Variants in DGKI observed in about 807,000 individuals in gnomAD.
DGKI encodes the protein diacylglycerol kinase iota.
A neutral mutation model predicts 147.5 loss-of-function variants in DGKI; 55 were observed. The ratio of observed to expected loss-of-function variants is 0.37; its 90% CI spans 0.30 to 0.47. The LOEUF is 0.47. Ranked by LOEUF, DGKI falls within the 20% of genes least tolerant of loss-of-function variation. The probability of loss-of-function intolerance (pLI) is 1.00; values close to 1 mark genes in which losing one functional copy is unlikely to be tolerated. For missense variants in DGKI, 1,007 were observed against 1,323.8 expected, an observed-to-expected ratio of 0.76 and a Z score of 3.71; for synonymous variants, 469 against 477.1, an observed-to-expected ratio of 0.98 and a Z score of 0.22.
intron 21 of DGKI, among the ~76,000 whole-genome samples, chr7:137,507,391 G>C (rs1041946074): frequency 2.0e-5 from 3 of 152,024 alleles, no homozygotes; most frequent in Non-Finnish European, 4.4e-5. Flanking sequence ...AAACTAACAG[G>C]TTCTCTAGAA....
intron 1 of DGKI, among the ~76,000 whole-genome samples, chr7:137,731,104 C>T (rs1316722154): frequency 2.0e-5 from 3 of 152,058 alleles, no homozygotes; most frequent in Non-Finnish European, 4.4e-5. Flanking sequence ...GGCCTTCACA[C>T]CTGATCTCAC....
intron 1 of DGKI, among the ~76,000 whole-genome samples, chr7:137,825,284 C>G (rs1276278157): frequency 6.6e-6 from 1 of 152,130 alleles, no homozygotes; most frequent in Non-Finnish European, 1.5e-5. Context: ...ACAATCTGTA[C>G]CATTTATAAA....
At chr7:137,678,950 A>G (rs1329738988) in intron 2 of DGKI, among the ~76,000 whole-genome samples, 3 of 152,232 alleles carry the variant, frequency 2.0e-5, no homozygotes, top group African/African-American at 7.2e-5. Flanking sequence ...ACCTCTAAAT[A>G]GTTCGATGTC....
intron 27 of DGKI, among the ~76,000 whole-genome samples, chr7:137,448,179 T>C (rs1813786722): frequency 6.6e-6 from 1 of 151,226 alleles, no homozygotes; most frequent in Non-Finnish European, 1.5e-5. Flanking sequence ...TAGCCAGAAG[T>C]AGACCCAAAC....
At chr7:137,783,083 T>G (rs2351857) in intron 1 of DGKI, among the ~76,000 whole-genome samples, 1 of 151,892 alleles carries the variant, frequency 6.6e-6, no homozygotes, top group African/African-American at 2.4e-5. Context: ...ATTAACACCC[T>G]GAAAAATCAT....
chr7:137,543,645 A>T (rs1455051075), intron 20 of DGKI, among the ~76,000 whole-genome samples: 1 of 152,184 alleles, frequency 6.6e-6, no homozygotes, highest in Non-Finnish European at 1.5e-5. Flanking sequence ...TCTGTAAAAA[A>T]GAGTTGTTCT....
At chr7:137,770,997 G>A (rs1328723114) in intron 1 of DGKI, among the ~76,000 whole-genome samples, 1 of 152,162 alleles carries the variant, frequency 6.6e-6, no homozygotes, top group Non-Finnish European at 1.5e-5. Context: ...GTGAATCTGT[G>A]TAATCGTCAG....
intron 1 of DGKI, among the ~76,000 whole-genome samples, chr7:137,796,862 G>A (rs941725526): frequency 1.3e-5 from 2 of 152,064 alleles, no homozygotes; most frequent in African/African-American, 4.8e-5. Context: ...AGTTCCAGAA[G>A]GAGAGAAAAG....
Position 137,654,691 on chromosome 7 carries a change from A to G in DGKI, c.738+41T>C, listed in dbSNP as rs181696805. 7.9e-4 allele frequency: 1,075 copies of G among 1,361,942 alleles called. 7 individuals carry two copies. The African/African-American group carries it at 0.014, about 18-fold the overall frequency. 84.4% of individuals were successfully genotyped at this position (1,361,942 alleles called of 1,614,324 possible). ...CTATGAATCCACTGAATCAATGAGA[A>G]ATCAAAGGTGATACTTGAAATCAAG... is the stretch of plus-strand genomic sequence containing the variant. On this transcript the variant is annotated intron_variant, in intron 5 of 32. Coordinates refer to ENST00000614521, the MANE Select transcript of DGKI (RefSeq NM_001321708.2).
intron 20 of DGKI, among the ~76,000 whole-genome samples, chr7:137,539,981 T>G (rs1817634762): frequency 6.6e-6 from 1 of 152,214 alleles, no homozygotes; most frequent in African/African-American, 2.4e-5. Context: ...GTTAACATTT[T>G]AGATGAAATG....
intron 28 of DGKI, among the ~76,000 whole-genome samples, chr7:137,428,612 G>A (rs1342531162): frequency 2.0e-5 from 3 of 152,112 alleles, no homozygotes; most frequent in African/African-American, 7.2e-5. Context: ...AATTCAAATT[G>A]TCCCTTTTTG....
At chr7:137,802,431 A>C (rs1353246934) in intron 1 of DGKI, among the ~76,000 whole-genome samples, 3 of 152,244 alleles carry the variant, frequency 2.0e-5, no homozygotes, top group South Asian at 2.1e-4. Context: ...CCAGCTGCAA[A>C]TTTACTACAT....
At chr7:137,417,366 A>C (rs1198675177) in intron 28 of DGKI, among the ~76,000 whole-genome samples, 1 of 152,224 alleles carries the variant, frequency 6.6e-6, no homozygotes, top group East Asian at 1.9e-4. Context: ...TAGAAGTTGA[A>C]TCATTACTTC....
At chr7:137,528,331 A>T (rs1817223799) in intron 20 of DGKI, among the ~76,000 whole-genome samples, 1 of 152,206 alleles carries the variant, frequency 6.6e-6, no homozygotes, top group Non-Finnish European at 1.5e-5. Context: ...CCCCATCAAA[A>T]AAGTAAGTAA....
At chr7:137,744,469 A>G (rs571572889) in intron 1 of DGKI, among the ~76,000 whole-genome samples, 31 of 152,286 alleles carry the variant, frequency 2.0e-4, no homozygotes, top group African/African-American at 7.5e-4. Context: ...CCAGATATAC[A>G]AAGGAGAGCT....
chr7:137,705,455 G>GA (rs1024623430), intron 1 of DGKI, among the ~76,000 whole-genome samples: 45 of 151,596 alleles, frequency 3.0e-4, no homozygotes, highest in Admixed American at 2.4e-3. Context: ...TATTCTGAGT[G>GA]AAAAAAAATG....
chr7:137,550,438 A>C (rs775525594), intron 20 of DGKI, among the ~76,000 whole-genome samples: 16 of 152,086 alleles, frequency 1.1e-4, no homozygotes, highest in Non-Finnish European at 2.1e-4. Context: ...GGCCTCCCAA[A>C]GTGCTGGGAT....
At chr7:137,391,770 C>T (rs1242930932) in intron 32 of DGKI, among the ~76,000 whole-genome samples, 1 of 152,058 alleles carries the variant, frequency 6.6e-6, no homozygotes, top group Non-Finnish European at 1.5e-5. Context: ...AGGACTCTTT[C>T]TATTATTCTA....
chr7:137,628,094 A>C (rs890935828), intron 6 of DGKI, among the ~76,000 whole-genome samples: 1 of 152,198 alleles, frequency 6.6e-6, no homozygotes, highest in Admixed American at 6.5e-5. Flanking sequence ...TCGCCGAGAA[A>C]GCTTTCTGGT....
Sources: gnomAD v4.1 joint callset for allele counts (sites outside exome capture counted in the v4.1 genomes callset) on GRCh38, gnomAD v4.1.1 for gene constraint, MANE v1.5 for transcripts, NCBI Gene and HGNC (gene_info 2026-07-23, HGNC 2026-07-21) for gene names.